Variants in AKAP13 observed in about 807,000 individuals in gnomAD.
AKAP13 encodes A-kinase anchor protein 13.
AKAP13 carries 80 observed loss-of-function variants against 264.5 expected under a neutral mutation model. That is an observed-to-expected ratio of 0.30 (90% CI 0.25 to 0.36). The LOEUF (loss-of-function observed/expected upper bound fraction) is 0.36, where lower values mean the gene tolerates loss of function less well. Ranked by LOEUF, AKAP13 falls within the 10% of genes least tolerant of loss-of-function variation. AKAP13 has a pLI of 1.00. For missense variants in AKAP13, 3,712 were observed against 3,435.2 expected (o/e 1.08, Z -2.01); for synonymous variants, 1,380 against 1,250.2 (o/e 1.10, Z -2.19).
At chr15:85,410,355 A>G (rs1342804343) in intron 1 of AKAP13, among the ~76,000 whole-genome samples, 1 of 151,634 alleles carries the variant, frequency 6.6e-6, no homozygotes, top group African/African-American at 2.4e-5. Flanking sequence ...CACCTGGGTC[A>G]TGAGAATGGC....
intron 8 of AKAP13, 144 bp downstream of exon 8, chr15:85,585,967 T>A: frequency 8.8e-7 from 1 of 1,140,116 alleles, no homozygotes; most frequent in East Asian, 2.5e-5. Flanking sequence ...TATATAAATG[T>A]GTTTATGTTG....
chr15:85,571,998 T>C (rs2078834322), intron 5 of AKAP13, among the ~76,000 whole-genome samples: 1 of 151,644 alleles, frequency 6.6e-6, no homozygotes, highest in Non-Finnish European at 1.5e-5. Flanking sequence ...AAGGTGAGAG[T>C]GGGAGAGGTA....
At position 85,726,156 on chromosome 15, in the gene AKAP13, G is replaced by A. The variant is rs2087604188; in HGVS notation, c.6746-254G>A. ...ATGGGATATATCTTTCTAGGACTGA[G>A]TACTTAAACTTTTCCAAAACAAGGC... On this transcript the variant is annotated intron_variant, in intron 26 of 36. Transcript: ENST00000394518. 17 of 408,070 alleles carry A rather than the reference G, an allele frequency of 4.2e-5. No individual in the cohort carries two copies. The South Asian group carries it at 7.5e-4, about 18-fold the overall frequency. 25.3% of individuals were successfully genotyped at this position (408,070 alleles called of 1,614,324 possible). A position where few individuals can be genotyped will look rare whatever the true frequency, so the allele number is the denominator to read the frequency against.
At chr15:85,492,927 A>G (rs901663528) in intron 2 of AKAP13, among the ~76,000 whole-genome samples, 2 of 152,198 alleles carry the variant, frequency 1.3e-5, no homozygotes, top group African/African-American at 2.4e-5. Flanking sequence ...TACATAATTT[A>G]TCTGTTCCAG....
chr15:85,681,137 A>G (rs1189671267), intron 14 of AKAP13, among the ~76,000 whole-genome samples: 1 of 152,192 alleles, frequency 6.6e-6, no homozygotes, highest in African/African-American at 2.4e-5. Flanking sequence ...GTAGTCTGGT[A>G]GTAGAACATC....
At position 85,580,427 on chromosome 15, in the gene AKAP13, C is replaced by T. The variant is rs774391856; in HGVS notation, c.2359C>T (p.Leu787=). ...AGTAATATCAGACAGTACTTTCTCT[C>T]TGGCAAACAGTCCAGGCAGTGAATC... The part of the protein sequence containing the change: ...QAVISDSTFS[L]ANSPGSESVT... Residue 787 remains leucine, a synonymous_variant, in exon 7 of 37, where the codon CTG becomes TTG. Coordinates refer to ENST00000394518, the MANE Select transcript of AKAP13 (RefSeq NM_007200.5). The T allele has an allele frequency of 4.3e-6, 7 of 1,614,110 alleles. No individual in the cohort carries two copies. The highest frequency in any genetic ancestry group is 5.9e-6 in the Non-Finnish European group (7 of 1,180,046).
At chr15:85,454,420 A>T (rs2074207011) in intron 1 of AKAP13, among the ~76,000 whole-genome samples, 1 of 152,004 alleles carries the variant, frequency 6.6e-6, no homozygotes, top group Admixed American at 6.6e-5. Context: ...TGAGTCGGGG[A>T]GGAACCCCTG....
At chr15:85,714,710 T>C (rs2086821590) in intron 19 of AKAP13, among the ~76,000 whole-genome samples, 1 of 152,222 alleles carries the variant, frequency 6.6e-6, no homozygotes, top group African/African-American at 2.4e-5. Flanking sequence ...GGCTCACGCC[T>C]GTAATCCCAG....
intron 1 of AKAP13, among the ~76,000 whole-genome samples, chr15:85,412,918 A>G (rs1466061099): frequency 1.3e-5 from 2 of 152,246 alleles, no homozygotes; most frequent in Non-Finnish European, 1.5e-5. Context: ...CCTGCAACGT[A>G]TATATTACCT....
At chr15:85,542,453 T>C (rs1041507695) in intron 4 of AKAP13, among the ~76,000 whole-genome samples, 1 of 152,214 alleles carries the variant, frequency 6.6e-6, no homozygotes, top group Non-Finnish European at 1.5e-5. Context: ...GCTTCAAAAA[T>C]CTGTTCATTC....
intron 8 of AKAP13, among the ~76,000 whole-genome samples, chr15:85,588,554 A>T (rs529029021): frequency 6.6e-6 from 1 of 152,190 alleles, no homozygotes; most frequent in African/African-American, 2.4e-5. Flanking sequence ...TTGCTTTCTG[A>T]TGAGGGATAT....
chr15:85,544,799 A>G (rs1422497276), intron 5 of AKAP13, among the ~76,000 whole-genome samples: 1 of 152,190 alleles, frequency 6.6e-6, no homozygotes, highest in Non-Finnish European at 1.5e-5. Context: ...GTATAAACCC[A>G]TTGGATCTAT....
At chr15:85,731,896 C>G (rs2088066633) in intron 30 of AKAP13, among the ~76,000 whole-genome samples, 2 of 151,814 alleles carry the variant, frequency 1.3e-5, no homozygotes, top group Admixed American at 6.6e-5. Context: ...CAGCGTGGCC[C>G]ACATGGTGCA....
In AKAP13 at chr15:85,724,494, A is replaced by G. The variant is rs2087482486; in HGVS notation, c.6745+1174A>G. Among the ~76,000 whole-genome samples, 1 of 93,232 alleles carries G rather than the reference A, an allele frequency of 1.1e-5. No homozygotes were observed. The highest frequency in any genetic ancestry group is 4.2e-4 in the South Asian group (1 of 2,360). 61.2% of individuals were successfully genotyped at this position (93,232 alleles called of 152,430 possible). ...TGAAAGGGTGTGGCACATCCAGGGA[A>G]GAGTGGACACCCGGGACTCTCACGT... On this transcript the variant is annotated intron_variant, in intron 26 of 36. Coordinates refer to ENST00000394518, the MANE Select transcript of AKAP13 (RefSeq NM_007200.5). This position sits in a 1 kb window ranked among gnomAD's most constrained non-coding sequence, Gnocchi z 4.2.
chr15:85,650,774 AAAAAAAAAAAAAAAAAC>A (rs1391202348), intron 10 of AKAP13, among the ~76,000 whole-genome samples: 55 of 143,318 alleles, frequency 3.8e-4, no homozygotes, highest in Non-Finnish European at 7.6e-4. Context: ...AAAAAAAAAA[AAAAAAAAAAAAAAAAAC>A]AACAAAAACT....
chr15:85,524,927 T>C (rs566145247), intron 3 of AKAP13, among the ~76,000 whole-genome samples: 1 of 151,736 alleles, frequency 6.6e-6, no homozygotes, highest in East Asian at 1.9e-4. Flanking sequence ...AAAGAAGTTG[T>C]AAAGGCCTTT....
chr15:85,431,537 G>C (rs1221496688), intron 1 of AKAP13, among the ~76,000 whole-genome samples: 1 of 152,102 alleles, frequency 6.6e-6, no homozygotes, highest in East Asian at 1.9e-4. Context: ...TGAGTTAATA[G>C]GAAAATCAAA....
chr15:85,419,848 AAG>A (rs771236578), intron 1 of AKAP13, among the ~76,000 whole-genome samples: 13 of 152,116 alleles, frequency 8.5e-5, no homozygotes, highest in Non-Finnish European at 1.3e-4. Context: ...TAAGGCTGTA[AAG>A]AGTGAAGAGG....
intron 7 of AKAP13, chr15:85,583,278 G>A: frequency 1.3e-6 from 1 of 741,412 alleles, no homozygotes; most frequent in Non-Finnish European, 1.6e-6. Context: ...GGAGAGAAAT[G>A]AATCAATGGA....
Sources: allele counts gnomAD v4.1 joint callset (sites outside exome capture counted in the v4.1 genomes callset), GRCh38; gene constraint gnomAD v4.1.1; non-coding constraint Gnocchi (gnomAD v3.1); transcripts MANE v1.5; gene names NCBI Gene and HGNC (gene_info 2026-07-23, HGNC 2026-07-21).